Variants in ZNF423 observed in about 807,000 individuals in gnomAD.
ZNF423 encodes zinc finger protein 423.
A neutral mutation model predicts 95.8 loss-of-function variants in ZNF423; 12 were observed. The observed-to-expected ratio is 0.13, with a 90% CI of 0.08 to 0.20. The LOEUF (loss-of-function observed/expected upper bound fraction) is 0.20, where lower values mean the gene tolerates loss of function less well. Ranked by LOEUF, ZNF423 falls within the 10% of genes least tolerant of loss-of-function variation. ZNF423 has a pLI of 1.00. For synonymous variants in ZNF423, 749 were observed against 711.9 expected (o/e 1.05, Z -0.83); for missense variants, 1,316 against 1,737.1 (o/e 0.76, Z 4.31).
intron 7 of ZNF423, among the ~76,000 whole-genome samples, chr16:49,514,389 C>T (rs559470840): frequency 6.6e-6 from 1 of 152,176 alleles, no homozygotes; most frequent in East Asian, 1.9e-4. Flanking sequence ...GAATAGAAAC[C>T]CTGTCTCCTT....
At chr16:49,731,818 AAAAT>A (rs1488728761) in intron 2 of ZNF423, among the ~76,000 whole-genome samples, 1 of 152,134 alleles carries the variant, frequency 6.6e-6, no homozygotes, top group Non-Finnish European at 1.5e-5. Context: ...AATATAAAAT[AAAAT>A]AAATAGTGTC....
chr16:49,715,036 C>T (rs16947879), intron 3 of ZNF423, among the ~76,000 whole-genome samples: 29,623 of 151,966 alleles, frequency 0.19, 3,793 homozygotes, highest in South Asian at 0.36. Context: ...AAGGGAACAA[C>T]TTAGCACCAC....
intron 1 of ZNF423, among the ~76,000 whole-genome samples, chr16:49,828,860 G>C (rs72780389): frequency 6.6e-6 from 1 of 152,218 alleles, no homozygotes; most frequent in African/African-American, 2.4e-5. Flanking sequence ...AGAATGAACC[G>C]TATTTTTGGC....
At chr16:49,782,452 G>C (rs2034228080) in intron 2 of ZNF423, among the ~76,000 whole-genome samples, 5 of 152,224 alleles carry the variant, frequency 3.3e-5, no homozygotes, top group Admixed American at 3.3e-4. Flanking sequence ...AGAGCAAGAA[G>C]ACCTGTCCCA....
chr16:49,812,547 G>T (rs193254152), intron 1 of ZNF423, among the ~76,000 whole-genome samples: 2 of 152,282 alleles, frequency 1.3e-5, no homozygotes, highest in East Asian at 3.9e-4. Context: ...ACAAAAATTA[G>T]CCAGGTGTGG....
intron 2 of ZNF423, among the ~76,000 whole-genome samples, chr16:49,754,097 A>C (rs866491701): frequency 6.6e-6 from 1 of 152,000 alleles, no homozygotes; most frequent in Non-Finnish European, 1.5e-5. Context: ...AAAGGCCCCA[A>C]CCCAAGGCCA....
At chr16:49,771,192 C>CTTTTTTTTTTTTTTTTT (rs71380376) in intron 2 of ZNF423, among the ~76,000 whole-genome samples, 6 of 89,474 alleles carry the variant, frequency 6.7e-5, no homozygotes, top group Admixed American at 1.4e-4. Context: ...TTTTTTTTTT[C>CTTTTTTTTTTTTTTTTT]TTTTTTTTTT....
chr16:49,626,342 A>G (rs562197104), intron 4 of ZNF423, 88 bp from the exon 5 acceptor site: 2 of 1,261,700 alleles, frequency 1.6e-6, no homozygotes, highest in Admixed American at 1.7e-5. Context: ...CTGGGTCAAG[A>G]CTTTCCAGAA....
rs2151640152 is a variant in ZNF423 at position 49,491,153 on chromosome 16, A to G, written c.*122T>C. 4 of 1,208,052 alleles carry G rather than the reference A, an allele frequency of 3.3e-6. No homozygotes were observed. In the East Asian group the frequency reaches 9.4e-5, roughly 28 times the overall value. The allele number at this position is 1,208,052 out of a possible 1,614,324, so 74.8% of individuals were successfully genotyped here. Reference sequence around the variant, plus strand: ...TTATAATAGCAGCGCCTCATGGCCAAATCATTAGAGTTTTACATCTGGGTT... The same window carrying G: ...TTATAATAGCAGCGCCTCATGGCCAGATCATTAGAGTTTTACATCTGGGTT... On this transcript the variant is annotated 3_prime_UTR_variant, in exon 8 of 8. Coordinates refer to ENST00000563137, the MANE Select transcript of ZNF423 (RefSeq NM_001379286.1).
intron 5 of ZNF423, among the ~76,000 whole-genome samples, chr16:49,575,146 G>A (rs573468957): frequency 2.0e-5 from 3 of 152,204 alleles, no homozygotes; most frequent in South Asian, 2.1e-4. Context: ...GCTCATTCAC[G>A]CGAACCCAGG....
intron 3 of ZNF423, among the ~76,000 whole-genome samples, chr16:49,639,547 C>T (rs1230627032): frequency 6.6e-6 from 1 of 152,172 alleles, no homozygotes; most frequent in East Asian, 1.9e-4. Context: ...ACTGAAGAGG[C>T]ATCTGTGGGT....
intron 3 of ZNF423, among the ~76,000 whole-genome samples, chr16:49,678,358 A>G (rs946189264): frequency 1.3e-5 from 2 of 151,884 alleles, no homozygotes; most frequent in Admixed American, 6.6e-5. Context: ...AAAGTTACCG[A>G]CACTAAGGTG....
At chr16:49,692,157 G>A (rs1174927126) in intron 3 of ZNF423, among the ~76,000 whole-genome samples, 1 of 152,008 alleles carries the variant, frequency 6.6e-6, no homozygotes, top group African/African-American at 2.4e-5. Flanking sequence ...CTCACTTTGT[G>A]TTGCTCAGGC....
intron 1 of ZNF423, among the ~76,000 whole-genome samples, chr16:49,790,122 G>A (rs1256083301): frequency 1.3e-5 from 2 of 152,208 alleles, no homozygotes; most frequent in African/African-American, 4.8e-5. Flanking sequence ...GAGAATATGG[G>A]AGAAACACTA....
chr16:49,641,495 T>C (rs1972973869), intron 3 of ZNF423, among the ~76,000 whole-genome samples: 1 of 152,186 alleles, frequency 6.6e-6, no homozygotes, highest in Admixed American at 6.5e-5. Flanking sequence ...GCAACTGATG[T>C]GTGGAGAAGT....
chr16:49,641,162 C>A (rs1403770387), intron 3 of ZNF423, among the ~76,000 whole-genome samples: 1 of 152,226 alleles, frequency 6.6e-6, no homozygotes, highest in African/African-American at 2.4e-5. Flanking sequence ...TCCCACTGGA[C>A]AGACGAGGAA....
intron 5 of ZNF423, among the ~76,000 whole-genome samples, chr16:49,527,277 C>T (rs1316586385): frequency 1.3e-5 from 2 of 152,228 alleles, no homozygotes; most frequent in Non-Finnish European, 2.9e-5. Flanking sequence ...GCCACATACA[C>T]CCGACAGAGA....
intron 5 of ZNF423, among the ~76,000 whole-genome samples, chr16:49,534,607 G>C (rs1968991485): frequency 6.6e-6 from 1 of 152,144 alleles, no homozygotes; most frequent in Admixed American, 6.5e-5. Flanking sequence ...CAGGCCTGGT[G>C]ACATGGCACA....
At chr16:49,522,920 T>C (rs1330170835) in intron 7 of ZNF423, among the ~76,000 whole-genome samples, 1 of 152,174 alleles carries the variant, frequency 6.6e-6, no homozygotes, top group Non-Finnish European at 1.5e-5. Context: ...AGAAAGCAGT[T>C]TCACTTGGGC....
Sources: allele counts gnomAD v4.1 joint callset (sites outside exome capture counted in the v4.1 genomes callset), GRCh38; gene constraint gnomAD v4.1.1; transcripts MANE v1.5; gene names NCBI Gene and HGNC (gene_info 2026-07-23, HGNC 2026-07-21).